Variants in ARL15 observed in about 807,000 individuals in gnomAD.
ARL15 encodes ARF like GTPase 15.
A neutral mutation model predicts 25.2 loss-of-function variants in ARL15; 19 were observed. That is an observed-to-expected ratio of 0.75 (90% CI 0.53 to 1.10). The LOEUF (loss-of-function observed/expected upper bound fraction) is 1.10. ARL15 is among the 50% of genes least tolerant of loss of function. The pLI is 0.00. For synonymous variants in ARL15, 94 were observed against 86.8 expected (o/e 1.08, Z -0.46); for missense variants, 220 against 246.0 (o/e 0.89, Z 0.71).
chr5:53,934,590 A>C (rs1468445207), intron 4 of ARL15, among the ~76,000 whole-genome samples: 1 of 152,194 alleles, frequency 6.6e-6, no homozygotes, highest in Admixed American at 6.5e-5. Context: ...CAATAGAAGA[A>C]GGCCTTGAAG....
intron 1 of ARL15, among the ~76,000 whole-genome samples, chr5:54,267,575 A>G (rs1757663400): frequency 6.6e-6 from 1 of 152,148 alleles, no homozygotes; most frequent in Non-Finnish European, 1.5e-5. Context: ...AAAACTGTTA[A>G]TCATTCCCTT....
chr5:54,013,034 A>G (rs911673532), intron 4 of ARL15, among the ~76,000 whole-genome samples: 3 of 151,970 alleles, frequency 2.0e-5, no homozygotes, highest in African/African-American at 7.3e-5. Context: ...TCCTGACCTC[A>G]GGTGATCCAC....
intron 3 of ARL15, among the ~76,000 whole-genome samples, chr5:54,118,641 C>T (rs1367977688): frequency 6.6e-6 from 1 of 152,092 alleles, no homozygotes; most frequent in Non-Finnish European, 1.5e-5. Context: ...TTATTCTAAC[C>T]TTGGCTGACT....
chr5:53,884,151 T>C lies in ARL15; in HGVS notation c.*2410A>G, dbSNP rs1744438318. On this transcript the variant is annotated 3_prime_UTR_variant, in exon 5 of 5. Transcript: ENST00000504924. ...CTACAGTGGATACAAAGTTTTATCA[T>C]ATAAATTAATTGCCATTACAAAAAG... The C allele has an allele frequency of 6.6e-6, 1 of 152,318 alleles. No individual in the cohort carries two copies. The highest frequency in any genetic ancestry group is 2.1e-4 in the South Asian group (1 of 4,832). 9.4% of individuals were successfully genotyped at this position (152,318 alleles called of 1,614,324 possible).
chr5:54,177,763 A>C (rs775278505), intron 1 of ARL15, among the ~76,000 whole-genome samples: 2 of 152,158 alleles, frequency 1.3e-5, no homozygotes, highest in African/African-American at 4.8e-5. Flanking sequence ...ACATGGTCTG[A>C]GCACTTAACG....
intron 1 of ARL15, among the ~76,000 whole-genome samples, chr5:54,283,034 A>G (rs954467943): frequency 6.6e-6 from 1 of 152,230 alleles, no homozygotes; most frequent in African/African-American, 2.4e-5. Flanking sequence ...CCCTAACTTT[A>G]TACAGTCGAA....
At chr5:54,061,877 T>C (rs938495596) in intron 4 of ARL15, among the ~76,000 whole-genome samples, 9 of 152,070 alleles carry the variant, frequency 5.9e-5, no homozygotes, top group Admixed American at 2.0e-4. Context: ...GCTCACACCT[T>C]GCACCCGGAT....
At chr5:54,178,167 T>C (rs1007448254) in intron 1 of ARL15, among the ~76,000 whole-genome samples, 1 of 152,216 alleles carries the variant, frequency 6.6e-6, no homozygotes, top group East Asian at 1.9e-4. Context: ...CCTCCCACTT[T>C]GGCACTGGCC....
chr5:54,237,302 T>A lies in ARL15; in HGVS notation c.49-65374A>T, dbSNP rs561168689. ...ATTGTAAGTTTCCTGAGGCCTCACC[T>A]GCCATGTGGAACTGTGAGTCCACTA... On this transcript the variant is annotated intron_variant, in intron 1 of 4. Transcript: ENST00000504924. Among the ~76,000 whole-genome samples the A allele has an allele frequency of 2.0e-5, 3 of 152,340 alleles. No homozygotes were observed. In the South Asian group the frequency reaches 6.2e-4, roughly 32 times the overall value.
chr5:54,257,217 A>G (rs1264576662), intron 1 of ARL15, among the ~76,000 whole-genome samples: 1 of 152,252 alleles, frequency 6.6e-6, no homozygotes. Context: ...ACAAATCAGT[A>G]GCACTGCTAT....
intron 3 of ARL15, among the ~76,000 whole-genome samples, chr5:54,120,686 T>C (rs1187469430): frequency 6.6e-6 from 1 of 152,178 alleles, no homozygotes; most frequent in Non-Finnish European, 1.5e-5. Flanking sequence ...CTTGAGCCAT[T>C]GGCATGACAC....
At chr5:54,024,457 T>C (rs1271086241) in intron 4 of ARL15, among the ~76,000 whole-genome samples, 1 of 152,196 alleles carries the variant, frequency 6.6e-6, no homozygotes, top group African/African-American at 2.4e-5. Context: ...TTGTATTGTA[T>C]AAAAACTTAG....
chr5:53,889,089 A>G (rs1052286289), intron 4 of ARL15, among the ~76,000 whole-genome samples: 1 of 152,116 alleles, frequency 6.6e-6, no homozygotes, highest in Non-Finnish European at 1.5e-5. Flanking sequence ...AAGTATTGCT[A>G]ATGACTGAGA....
At chr5:54,191,715 C>T (rs961019801) in intron 1 of ARL15, among the ~76,000 whole-genome samples, 1 of 152,140 alleles carries the variant, frequency 6.6e-6, no homozygotes, top group Non-Finnish European at 1.5e-5. Flanking sequence ...AACTACTTCT[C>T]ACCACCTCTA....
rs147433572 is a variant in ARL15 at position 54,037,124 on chromosome 5, C to A, written c.462+76078G>T. Among the ~76,000 whole-genome samples, 654 of 152,050 alleles carry A rather than the reference C, an allele frequency of 4.3e-3. 8 individuals are homozygous for A. Among genetic ancestry groups the A allele is most frequent in the African/African-American group, 0.015 (624 of 41,532 alleles). On this transcript the variant is annotated intron_variant, in intron 4 of 4. Coordinates refer to ENST00000504924, the MANE Select transcript of ARL15 (RefSeq NM_019087.3). ...TAGATTTTAAATGACATTGAACCTACTAAGCCATACATTTTTTTAAATCCC... is the reference window on the plus strand; with the variant it reads ...TAGATTTTAAATGACATTGAACCTAATAAGCCATACATTTTTTTAAATCCC...
At chr5:53,937,864 G>T (rs944787011) in intron 4 of ARL15, among the ~76,000 whole-genome samples, 1 of 151,690 alleles carries the variant, frequency 6.6e-6, no homozygotes, top group Non-Finnish European at 1.5e-5. Context: ...GGGTGAAGTG[G>T]GTATGAAACA....
At chr5:53,984,740 T>C (rs1748232705) in intron 4 of ARL15, among the ~76,000 whole-genome samples, 1 of 152,228 alleles carries the variant, frequency 6.6e-6, no homozygotes, top group African/African-American at 2.4e-5. Context: ...ATTTTTTTCT[T>C]TGCTAAGGTT....
At chr5:54,151,001 CA>C (rs1337371340) in intron 3 of ARL15, among the ~76,000 whole-genome samples, 2 of 152,086 alleles carry the variant, frequency 1.3e-5, no homozygotes, top group African/African-American at 4.8e-5. Context: ...TGGTTAGGCA[CA>C]AGAGCTCAGA....
At chr5:54,024,040 T>A (rs376941224) in intron 4 of ARL15, among the ~76,000 whole-genome samples, 48 of 152,200 alleles carry the variant, frequency 3.2e-4, no homozygotes, top group African/African-American at 1.1e-3. Context: ...CCCCACTATG[T>A]GGTGGATTAA....
Sources: allele counts gnomAD v4.1 joint callset (sites outside exome capture counted in the v4.1 genomes callset), GRCh38; gene constraint gnomAD v4.1.1; transcripts MANE v1.5; gene names NCBI Gene and HGNC (gene_info 2026-07-23, HGNC 2026-07-21).